PCDH15: variants seen among roughly 807,000 people sequenced by gnomAD.
PCDH15 encodes protocadherin related 15.
PCDH15 carries 129 observed loss-of-function variants against 178.5 expected under a neutral mutation model. The ratio of observed to expected loss-of-function variants is 0.72; its 90% CI spans 0.63 to 0.84. The LOEUF (loss-of-function observed/expected upper bound fraction) is 0.84, where lower values mean the gene tolerates loss of function less well. Ranked by LOEUF, PCDH15 falls within the 40% of genes least tolerant of loss-of-function variation. PCDH15 has a pLI of 0.00. For synonymous variants in PCDH15, 800 were observed against 732.0 expected, an observed-to-expected ratio of 1.09 and a Z score of -1.50; for missense variants, 2,230 against 2,099.9, an observed-to-expected ratio of 1.06 and a Z score of -1.21.
At chr10:54,665,834 A>C (rs2135439672) in intron 1 of PCDH15, among the ~76,000 whole-genome samples, 1 of 152,184 alleles carries the variant, frequency 6.6e-6, no homozygotes, top group Non-Finnish European at 1.5e-5. Flanking sequence ...CAGAAAGCCC[A>C]AAGAAGAGCT....
intron 1 of PCDH15, among the ~76,000 whole-genome samples, chr10:54,756,726 G>A (rs1275272874): frequency 2.6e-5 from 1 of 38,790 alleles, no homozygotes; most frequent in Non-Finnish European, 7.4e-5. Flanking sequence ...GTGAAAGAGA[G>A]AGAGAGAGAG....
At chr10:55,108,828 C>T (rs550478982) in intron 2 of PCDH15, among the ~76,000 whole-genome samples, 18 of 152,160 alleles carry the variant, frequency 1.2e-4, no homozygotes, top group African/African-American at 4.3e-4. Context: ...GTCACACATA[C>T]AATCAAGTAC....
rs1841029794 is a variant in PCDH15, at chr10:53,804,303, G to A, written c.*2276C>T. 1 of 151,908 alleles carries A rather than the reference G, an allele frequency of 6.6e-6. No homozygotes were observed. The highest frequency in any genetic ancestry group is 1.5e-5 in the Non-Finnish European group (1 of 67,880). The allele number at this position is 151,908 out of a possible 1,614,324, so 9.4% of individuals were successfully genotyped here. ...TGCATATTTTCTCATAAAAAATGTA[G>A]TTTAAAATACAGTGACATCTCATAT... On this transcript the variant is annotated 3_prime_UTR_variant, in exon 38 of 38. Coordinates refer to ENST00000644397, the MANE Select transcript of PCDH15 (RefSeq NM_001384140.1).
At chr10:55,072,709 A>G (rs1841782930) in intron 2 of PCDH15, among the ~76,000 whole-genome samples, 1 of 151,974 alleles carries the variant, frequency 6.6e-6, no homozygotes, top group Admixed American at 6.6e-5. Context: ...AACTATTCCA[A>G]TCAATAGAAA....
chr10:54,760,409 A>T (rs1439487251), intron 1 of PCDH15, among the ~76,000 whole-genome samples: 4 of 152,166 alleles, frequency 2.6e-5, no homozygotes, highest in Non-Finnish European at 4.4e-5. Context: ...GATGTGAGGA[A>T]CATCTCCTCC....
intron 2 of PCDH15, among the ~76,000 whole-genome samples, chr10:55,018,254 G>C (rs1191743642): frequency 1.3e-5 from 2 of 152,020 alleles, no homozygotes; most frequent in Non-Finnish European, 2.9e-5. Context: ...GGGAACCACA[G>C]TTGTCTTTCA....
intron 25 of PCDH15, among the ~76,000 whole-genome samples, chr10:53,922,716 C>A (rs927774479): frequency 2.6e-5 from 4 of 152,056 alleles, no homozygotes; most frequent in African/African-American, 9.7e-5. Flanking sequence ...GAAATATCAT[C>A]AAATAGGGAT....
chr10:55,424,713 G>A (rs1838709481), intron 2 of PCDH15, among the ~76,000 whole-genome samples: 1 of 151,944 alleles, frequency 6.6e-6, no homozygotes, highest in Non-Finnish European at 1.5e-5. Context: ...AATCTTATAT[G>A]AGAAAAAATG....
chr10:54,460,055 G>A (rs2077075650), intron 3 of PCDH15, among the ~76,000 whole-genome samples: 1 of 151,990 alleles, frequency 6.6e-6, no homozygotes, highest in Non-Finnish European at 1.5e-5. Flanking sequence ...ATGATTTGGG[G>A]AATAAAAAAG....
At chr10:54,159,521 TA>T (rs2133416518) in intron 13 of PCDH15, among the ~76,000 whole-genome samples, 1 of 152,290 alleles carries the variant, frequency 6.6e-6, no homozygotes, top group Admixed American at 6.5e-5. Flanking sequence ...TTACATATTT[TA>T]AATGCTAATT....
intron 2 of PCDH15, among the ~76,000 whole-genome samples, chr10:55,081,071 A>T (rs920752311): frequency 1.3e-5 from 2 of 152,100 alleles, no homozygotes; most frequent in Non-Finnish European, 2.9e-5. Context: ...TTTAGTATTC[A>T]TGTGCACAGA....
chr10:55,291,619 A>G (rs1843009084), intron 1 of PCDH15, among the ~76,000 whole-genome samples: 1 of 152,348 alleles, frequency 6.6e-6, no homozygotes, highest in African/African-American at 2.4e-5. Flanking sequence ...ATGTAATTCA[A>G]TGAAGAAAAT....
intron 5 of PCDH15, among the ~76,000 whole-genome samples, chr10:54,359,334 G>A (rs1945609212): frequency 6.7e-6 from 1 of 148,890 alleles, no homozygotes; most frequent in African/African-American, 2.6e-5. Flanking sequence ...TACCAATGTT[G>A]GTTTATTAGT....
intron 15 of PCDH15, among the ~76,000 whole-genome samples, chr10:54,096,105 G>T (rs953180861): frequency 1.3e-5 from 2 of 151,976 alleles, no homozygotes; most frequent in South Asian, 4.1e-4. Context: ...ATTTGCCAAA[G>T]TTTACAAACT....
At chr10:54,418,847 G>T (rs1363364882) in intron 3 of PCDH15, among the ~76,000 whole-genome samples, 2 of 151,826 alleles carry the variant, frequency 1.3e-5, no homozygotes, top group Admixed American at 6.6e-5. Flanking sequence ...AAAGCTAAAA[G>T]ACAATAATAT....
chr10:54,048,428 G>T (rs2135587317), intron 18 of PCDH15, among the ~76,000 whole-genome samples: 1 of 152,102 alleles, frequency 6.6e-6, no homozygotes, highest in African/African-American at 2.4e-5. Context: ...ATCAATTTTT[G>T]TTTTTGTGGC....
At chr10:54,214,994 C>A (rs1463543040) in intron 9 of PCDH15, among the ~76,000 whole-genome samples, 7 of 152,030 alleles carry the variant, frequency 4.6e-5, no homozygotes, top group Admixed American at 3.9e-4. Flanking sequence ...ACATTCTTTT[C>A]CCAAAATGAA....
intron 8 of PCDH15, among the ~76,000 whole-genome samples, chr10:54,312,546 A>G (rs1233152442): frequency 6.6e-6 from 1 of 152,034 alleles, no homozygotes; most frequent in East Asian, 1.9e-4. Flanking sequence ...TTTCTGCCTA[A>G]TTCTCTTGGG....
At chr10:55,178,626 A>C (rs1330102764) in intron 1 of PCDH15, among the ~76,000 whole-genome samples, 1 of 152,144 alleles carries the variant, frequency 6.6e-6, no homozygotes, top group Non-Finnish European at 1.5e-5. Flanking sequence ...ATATTATACT[A>C]GAGTAAAGGC....
Sources: gnomAD v4.1 joint callset for allele counts (sites outside exome capture counted in the v4.1 genomes callset) on GRCh38, gnomAD v4.1.1 for gene constraint, MANE v1.5 for transcripts, NCBI Gene and HGNC (gene_info 2026-07-23, HGNC 2026-07-21) for gene names.